The following IARS1 variants were observed in gnomAD, a reference collection of about 807,000 sequenced individuals.
IARS1 encodes isoleucyl-tRNA synthetase 1.
IARS1 carries 124 observed loss-of-function variants against 168.2 expected under a neutral mutation model. That is an observed-to-expected ratio of 0.74 (90% CI 0.64 to 0.86). The LOEUF (loss-of-function observed/expected upper bound fraction) is 0.86. IARS1 is among the 40% of genes least tolerant of loss of function. The probability of loss-of-function intolerance (pLI) is 0.00; values close to 1 mark genes in which losing one functional copy is unlikely to be tolerated. For missense variants in IARS1, 1,452 were observed against 1,515.8 expected (o/e 0.96, Z 0.70); for synonymous variants, 532 against 529.4 (o/e 1.00, Z -0.07).
intron 14 of IARS1, among the ~76,000 whole-genome samples, chr9:92,266,602 G>T (rs944149628): frequency 2.0e-5 from 3 of 152,190 alleles, no homozygotes; most frequent in Non-Finnish European, 2.9e-5. Context: ...GATGGAGCCC[G>T]ATGGGAGGCA....
intron 16 of IARS1, among the ~76,000 whole-genome samples, chr9:92,264,586 T>C (rs1352339721): frequency 6.6e-6 from 1 of 152,206 alleles, no homozygotes; most frequent in African/African-American, 2.4e-5. Flanking sequence ...CAAACTACTG[T>C]CTTTTATGCA....
At chr9:92,228,575 T>C (rs1430083003) in intron 31 of IARS1, among the ~76,000 whole-genome samples, 1 of 83,618 alleles carries the variant, frequency 1.2e-5, no homozygotes, top group Non-Finnish European at 2.0e-5. Context: ...TAGCCAAGCA[T>C]GGTGGTGGCA....
At chr9:92,288,415 T>C (rs763051219) in intron 2 of IARS1, 133 bp from the exon 3 acceptor site, 58 of 750,288 alleles carry the variant, frequency 7.7e-5, no homozygotes, top group Non-Finnish European at 1.1e-4. Context: ...ACAGACATAA[T>C]TGATTTGATA....
At chr9:92,290,741 T>C (rs1564191523) in intron 1 of IARS1, among the ~76,000 whole-genome samples, 3 of 152,258 alleles carry the variant, frequency 2.0e-5, no homozygotes, top group East Asian at 3.9e-4. Flanking sequence ...TTTCCAAAAG[T>C]AAGCAGGAAA....
rs185927935 is a variant in IARS1 at position 92,260,374 on chromosome 9, G to A, written c.1788-140C>T. 1.5e-3 allele frequency: 1,000 copies of A among 675,962 alleles called. 5 individuals carry two copies. In the Middle Eastern group the frequency reaches 0.018, roughly 12 times the overall value. The allele number at this position is 675,962 out of a possible 1,614,324, so 41.9% of individuals were successfully genotyped here. A position where few individuals can be genotyped will look rare whatever the true frequency, so the allele number is the denominator to read the frequency against. ...ACTTAGATAGAAGTTAGTGCTAATAGGCCGGGCGCGGTGGCTCACTCCTGT... is the reference window on the plus strand; with the variant it reads ...ACTTAGATAGAAGTTAGTGCTAATAAGCCGGGCGCGGTGGCTCACTCCTGT... On this transcript the variant is annotated intron_variant, in intron 17 of 33. Coordinates refer to ENST00000443024, the MANE Select transcript of IARS1 (RefSeq NM_002161.6).
At chr9:92,229,505 C>CTTA (rs1044655830) in intron 30 of IARS1, among the ~76,000 whole-genome samples, 1 of 151,974 alleles carries the variant, frequency 6.6e-6, no homozygotes, top group African/African-American at 2.4e-5. Context: ...ATTCATGATT[C>CTTA]TTATTTATGA....
At chr9:92,217,328 T>C (rs919661120) in intron 33 of IARS1, among the ~76,000 whole-genome samples, 4 of 143,710 alleles carry the variant, frequency 2.8e-5, no homozygotes, top group Non-Finnish European at 6.1e-5. Context: ...GCAGGAAAGA[T>C]CCAAAATTGA....
intron 9 of IARS1, among the ~76,000 whole-genome samples, chr9:92,276,818 G>C (rs879617686): frequency 6.6e-6 from 1 of 152,214 alleles, no homozygotes; most frequent in African/African-American, 2.4e-5. Flanking sequence ...CTTTCGGTGA[G>C]AGAGTGTGGG....
intron 6 of IARS1, among the ~76,000 whole-genome samples, chr9:92,283,654 T>C (rs762587837): frequency 3.3e-5 from 5 of 151,940 alleles, no homozygotes; most frequent in Non-Finnish European, 5.9e-5. Context: ...AAAATAAAAA[T>C]TAAAACAAAG....
At chr9:92,235,711 G>C (rs930550488) in intron 30 of IARS1, among the ~76,000 whole-genome samples, 9 of 151,698 alleles carry the variant, frequency 5.9e-5, no homozygotes, top group African/African-American at 2.2e-4. Context: ...ATTTTTAGTA[G>C]AGACAGGGTT....
chr9:92,243,701 C>A (rs970256908), intron 27 of IARS1, among the ~76,000 whole-genome samples: 8 of 152,144 alleles, frequency 5.3e-5, no homozygotes, highest in African/African-American at 1.4e-4. Flanking sequence ...CAGGCCACAA[C>A]AAGTGGATCA....
rs1179186054 is a variant in IARS1 at position 92,271,084 on chromosome 9, A to G, written c.1114-8T>C. The G allele has an allele frequency of 6.3e-7, 1 of 1,579,086 alleles. No individual in the cohort carries two copies. Among genetic ancestry groups the G allele is most frequent in the Non-Finnish European group, 8.6e-7 (1 of 1,159,928 alleles). Reference sequence around the variant, plus strand: ...GATACTTTTGTCAGCATCCTATTAAAAAAAATTAAAATTTAGCCATTAAAA... The same window carrying G: ...GATACTTTTGTCAGCATCCTATTAAGAAAAATTAAAATTTAGCCATTAAAA... On this transcript the variant is annotated splice_polypyrimidine_tract_variant and splice_region_variant and intron_variant, in intron 11 of 33. Transcript: ENST00000443024.
chr9:92,240,371 C>A, intron 30 of IARS1: 1 of 319,304 alleles, frequency 3.1e-6, no homozygotes, highest in Admixed American at 4.5e-5. Context: ...TCAAGAAATT[C>A]TCATGCCTCA....
In IARS1 at chr9:92,250,261, T is replaced by G. The variant is rs1436462580; in HGVS notation, c.2458A>C (p.Ser820Arg). 7 of 1,610,014 alleles carry G rather than the reference T, an allele frequency of 4.3e-6. No homozygotes were observed. The South Asian group carries it at 6.6e-5, about 15-fold the overall frequency. The change falls in exon 24 of 34, where the codon AGT (serine) becomes CGT (arginine). Residue 820 changes from serine (S) to arginine (R), a missense_variant. Transcript: ENST00000443024. ...REELIDKKTE[S>R]AVSQMQSVIE... Reference sequence around the variant, plus strand: ...ACAGACTGCATCTGAGATACTGCACTCTCTGTTTTCTTGTCAATCAATTCT... The same window carrying G: ...ACAGACTGCATCTGAGATACTGCACGCTCTGTTTTCTTGTCAATCAATTCT...
chr9:92,229,001 C>T lies in IARS1; in HGVS notation c.3409G>A (p.Glu1137Lys), dbSNP rs755807039. The T allele has an allele frequency of 3.1e-6, 5 of 1,614,004 alleles. No homozygotes were observed. Among genetic ancestry groups the T allele is most frequent in the Non-Finnish European group, 4.2e-6 (5 of 1,180,006 alleles). The change falls in exon 31 of 34, where the codon GAA becomes AAA. Residue 1137 changes from glutamate to lysine, a missense_variant and splice_region_variant. Physicochemically the swap from Glu to Lys is moderately conservative, Grantham distance 56 (BLOSUM62 1). Coordinates refer to ENST00000443024, the MANE Select transcript of IARS1 (RefSeq NM_002161.6). ...TAGGCTCCTCTCACTTTCCACATAC[C>T]TGTTTCATCATGGAAGACAGCCAGC... is the stretch of plus-strand genomic sequence containing the variant. ...TELAVFHDET[E>K]IQNQTDLLSL...
intron 18 of IARS1, 47 bp downstream of exon 18, chr9:92,260,104 A>T: frequency 7.9e-7 from 1 of 1,270,974 alleles, no homozygotes; most frequent in Non-Finnish European, 1.2e-6. Context: ...GGAGATGCTT[A>T]CATAAAAAAA....
At chr9:92,289,275 G>A in intron 2 of IARS1, 26 bp downstream of exon 2, 1 of 911,184 alleles carries the variant, frequency 1.1e-6, no homozygotes, top group Non-Finnish European at 1.8e-6. Context: ...ATTCTTAAGG[G>A]AACTTAACCT....
intron 20 of IARS1, among the ~76,000 whole-genome samples, chr9:92,255,413 AACTG>A (rs1373857526): frequency 2.0e-5 from 3 of 152,136 alleles, no homozygotes; most frequent in South Asian, 4.1e-4. Context: ...CACCCACTTT[AACTG>A]ACTGTCTGAG....
At chr9:92,238,151 C>G (rs1389435982) in intron 30 of IARS1, among the ~76,000 whole-genome samples, 2 of 152,182 alleles carry the variant, frequency 1.3e-5, no homozygotes, top group African/African-American at 4.8e-5. Flanking sequence ...GGTGATCCGC[C>G]TGCCTTGGCC....
Sources: gnomAD v4.1 joint callset for allele counts (sites outside exome capture counted in the v4.1 genomes callset) on GRCh38, gnomAD v4.1.1 for gene constraint, MANE v1.5 for transcripts, NCBI Gene and HGNC (gene_info 2026-07-23, HGNC 2026-07-21) for gene names.